AKAP19: variants seen among roughly 807,000 people sequenced by gnomAD.
The protein encoded by AKAP19 is small A-kinase anchoring protein.
At chr2:190,142,016 G>T in the AKAP19 span, among the ~76,000 whole-genome samples, 2 of 152,132 alleles carry the variant, frequency 1.3e-5, no homozygotes, top group African/African-American at 4.8e-5. Context: ...CTACTTCGTG[G>T]GTCCCATGTG....
chr2:190,198,099 T>A, the AKAP19 span, among the ~76,000 whole-genome samples: 1 of 152,108 alleles, frequency 6.6e-6, no homozygotes, highest in Non-Finnish European at 1.5e-5. Flanking sequence ...AATTAACATC[T>A]CTGAAGTATG....
the AKAP19 span, chr2:190,057,230 AG>A: frequency 1.9e-6 from 3 of 1,612,252 alleles, no homozygotes; most frequent in South Asian, 3.3e-5. Flanking sequence ...TCCATGTTTT[AG>A]GAAGTTATGA....
At chr2:190,006,337 G>C in the AKAP19 span, among the ~76,000 whole-genome samples, 1 of 152,248 alleles carries the variant, frequency 6.6e-6, no homozygotes, top group Admixed American at 6.5e-5. Flanking sequence ...GGATAATTCA[G>C]TGAGCAGCTA....
the AKAP19 span, among the ~76,000 whole-genome samples, chr2:189,975,832 A>G: frequency 6.6e-6 from 1 of 152,158 alleles, no homozygotes. Context: ...TTTCAGCTCC[A>G]TCAGGTCATT....
the AKAP19 span, among the ~76,000 whole-genome samples, chr2:190,107,106 G>T: frequency 0.087 from 13,239 of 152,212 alleles, 1,009 homozygotes; most frequent in African/African-American, 0.21. Flanking sequence ...TCAAATGTCT[G>T]TGGTATTCTT....
At chr2:190,132,938 A>T in the AKAP19 span, among the ~76,000 whole-genome samples, 1 of 152,164 alleles carries the variant, frequency 6.6e-6, no homozygotes, top group Non-Finnish European at 1.5e-5. Context: ...ATTCAATAGC[A>T]AGAAAGCAAA....
chr2:190,051,030 G>A, the AKAP19 span, among the ~76,000 whole-genome samples: 1 of 152,198 alleles, frequency 6.6e-6, no homozygotes, highest in Admixed American at 6.5e-5. Context: ...GAGGCTTCAA[G>A]TAAAAGCTGG....
the AKAP19 span, among the ~76,000 whole-genome samples, chr2:190,099,156 C>T: frequency 0.012 from 1,790 of 152,284 alleles, 30 homozygotes; most frequent in African/African-American, 0.039. Flanking sequence ...CTTTTCTGTT[C>T]TATTCACATC....
the AKAP19 span, among the ~76,000 whole-genome samples, chr2:190,013,886 T>C: frequency 6.6e-6 from 1 of 152,140 alleles, no homozygotes; most frequent in African/African-American, 2.4e-5. Flanking sequence ...AACCAACTCT[T>C]GGTTTTATTG....
At chr2:190,041,503 CTT>C in the AKAP19 span, among the ~76,000 whole-genome samples, 272 of 152,214 alleles carry the variant, frequency 1.8e-3, no homozygotes, top group Non-Finnish European at 2.5e-3. Context: ...TTTGAATACT[CTT>C]TGTTTCTTTC....
the AKAP19 span, among the ~76,000 whole-genome samples, chr2:190,196,104 A>AG: frequency 5.3e-5 from 8 of 151,990 alleles, no homozygotes; most frequent in Admixed American, 4.6e-4. Flanking sequence ...TTCACATGGA[A>AG]GGCTTTTTCA....
the AKAP19 span, among the ~76,000 whole-genome samples, chr2:190,002,991 T>A: frequency 6.6e-6 from 1 of 152,202 alleles, no homozygotes; most frequent in African/African-American, 2.4e-5. Context: ...AGGGTTTTTT[T>A]AATGTTGTTA....
At chr2:190,199,841 C>CACAA in the AKAP19 span, 35 of 1,608,174 alleles carry the variant, frequency 2.2e-5, no homozygotes, top group Non-Finnish European at 2.9e-5. Context: ...CTGCTTCCTC[C>CACAA]ACAAACAGCT....
the AKAP19 span, among the ~76,000 whole-genome samples, chr2:190,014,034 G>A: frequency 7.2e-5 from 11 of 151,840 alleles, no homozygotes; most frequent in East Asian, 1.5e-3. Flanking sequence ...ATTTGAGATC[G>A]TCTTTTTTTA....
At chr2:189,901,323 A>G in the AKAP19 span, among the ~76,000 whole-genome samples, 16 of 151,972 alleles carry the variant, frequency 1.1e-4, no homozygotes, top group African/African-American at 3.6e-4. Context: ...GTAGATATTT[A>G]TGTTTTCTTG....
chr2:190,013,616 C>T, the AKAP19 span, among the ~76,000 whole-genome samples: 11 of 151,796 alleles, frequency 7.2e-5, no homozygotes, highest in East Asian at 1.9e-4. Flanking sequence ...CCTGGGTTCA[C>T]GCCATTCTCC....
At chr2:190,060,536 T>TAA in the AKAP19 span, 9 of 1,001,712 alleles carry the variant, frequency 9.0e-6, no homozygotes, top group African/African-American at 1.5e-4. Flanking sequence ...AGATAATGTA[T>TAA]GCCTATGCAG....
the AKAP19 span, among the ~76,000 whole-genome samples, chr2:190,109,005 G>T: frequency 6.6e-6 from 1 of 152,254 alleles, no homozygotes; most frequent in Non-Finnish European, 1.5e-5. Context: ...TATTGTGGGA[G>T]AAATGAAGGA....
At chr2:190,015,146 G>A in the AKAP19 span, among the ~76,000 whole-genome samples, 1 of 152,170 alleles carries the variant, frequency 6.6e-6, no homozygotes, top group Non-Finnish European at 1.5e-5. Context: ...CCCCAGTGAG[G>A]ACTCTCTGTG....
Sources: allele counts gnomAD v4.1 joint callset (sites outside exome capture counted in the v4.1 genomes callset), GRCh38; gene constraint gnomAD v4.1.1; transcripts MANE v1.5; gene names NCBI Gene and HGNC (gene_info 2026-07-23, HGNC 2026-07-21).